The following ASIC2 variants were observed in gnomAD, a reference collection of about 807,000 sequenced individuals.
ASIC2 encodes the protein acid sensing ion channel subunit 2, also known as acid-sensing ion channel 2.
ASIC2 carries 25 observed loss-of-function variants against 57.3 expected under a neutral mutation model. The ratio of observed to expected loss-of-function variants is 0.44; its 90% confidence interval spans 0.32 to 0.61. The LOEUF (loss-of-function observed/expected upper bound fraction) is 0.61. ASIC2 is among the 20% of genes least tolerant of loss of function. ASIC2 has a pLI of 0.06. For missense variants in ASIC2, 641 were observed against 738.1 expected, an observed-to-expected ratio of 0.87 and a Z score of 1.52; for synonymous variants, 319 against 307.5, an observed-to-expected ratio of 1.04 and a Z score of -0.39.
At position 33,519,273 on chromosome 17, in the gene ASIC2, C is replaced by T. The variant is rs145239464; in HGVS notation, c.556-407206G>A. ...CCTTGCTCTTGGCCCTTCCGTTATACAAATAGAAGCAGAGCGGCTCTGGTG... is the reference window on the plus strand; with the variant it reads ...CCTTGCTCTTGGCCCTTCCGTTATATAAATAGAAGCAGAGCGGCTCTGGTG... On this transcript the variant is annotated intron_variant, in intron 1 of 9. Transcript: ENST00000359872. Among the ~76,000 whole-genome samples, 888 of 152,272 alleles carry T rather than the reference C, an allele frequency of 5.8e-3. 7 individuals carry two copies. The highest frequency in any genetic ancestry group is 0.01 in the Non-Finnish European group (692 of 68,018).
At chr17:33,312,420 T>C (rs1906467260) in intron 1 of ASIC2, among the ~76,000 whole-genome samples, 1 of 152,178 alleles carries the variant, frequency 6.6e-6, no homozygotes, top group African/African-American at 2.4e-5. Flanking sequence ...TCTGTTGTTC[T>C]TCTCTCAAAG....
chr17:33,830,407 C>T (rs776133744), intron 1 of ASIC2, among the ~76,000 whole-genome samples: 19 of 152,130 alleles, frequency 1.2e-4, no homozygotes, highest in Admixed American at 4.6e-4. Context: ...ATGATGTTAG[C>T]GGGATGGGGA....
chr17:33,033,409 A>G (rs1290956110), intron 3 of ASIC2, among the ~76,000 whole-genome samples: 2 of 152,222 alleles, frequency 1.3e-5, no homozygotes, highest in Admixed American at 6.5e-5. Context: ...TCACTCCAGC[A>G]AGCAGGCAGG....
chr17:34,092,886 T>C (rs1220193627), intron 1 of ASIC2, among the ~76,000 whole-genome samples: 1 of 152,196 alleles, frequency 6.6e-6, no homozygotes, highest in African/African-American at 2.4e-5. Flanking sequence ...TATGTATTTA[T>C]TTATCCCTGG....
At position 33,112,286 on chromosome 17, in the gene ASIC2, G is replaced by A. The variant is rs2092261678; in HGVS notation, c.709-219C>T. 8 of 564,984 alleles carry A rather than the reference G, an allele frequency of 1.4e-5. No individual in the cohort carries two copies. The South Asian group carries it at 1.8e-4, about 13-fold the overall frequency. The allele number at this position is 564,984 out of a possible 1,614,324, so 35.0% of individuals were successfully genotyped here. A position where few individuals can be genotyped will look rare whatever the true frequency, so the allele number is the denominator to read the frequency against. On this transcript the variant is annotated intron_variant, in intron 1 of 9. Coordinates refer to ENST00000225823, the MANE Select transcript of ASIC2 (RefSeq NM_183377.2). The stretch of plus-strand genomic sequence containing the variant: ...AAGAGCAAATCTGGATGCCCTTTGG[G>A]GTTTGTTGCAGTAGGATCTGGTCTC...
intron 1 of ASIC2, among the ~76,000 whole-genome samples, chr17:33,307,985 C>T (rs1302451041): frequency 3.3e-5 from 5 of 152,188 alleles, no homozygotes; most frequent in Non-Finnish European, 7.4e-5. Context: ...TTAAGATTTT[C>T]TTATTCATCT....
intron 1 of ASIC2, among the ~76,000 whole-genome samples, chr17:33,302,999 C>T (rs562738288): frequency 6.6e-6 from 1 of 152,322 alleles, no homozygotes; most frequent in South Asian, 2.1e-4. Context: ...ATCCCATACT[C>T]TAACCATTCA....
intron 1 of ASIC2, among the ~76,000 whole-genome samples, chr17:33,858,300 G>A (rs1914015000): frequency 1.3e-5 from 2 of 152,290 alleles, no homozygotes; most frequent in Admixed American, 1.3e-4. Context: ...AGCACAGCGA[G>A]TAATGCCTGA....
intron 1 of ASIC2, among the ~76,000 whole-genome samples, chr17:34,010,696 G>A (rs2142020888): frequency 6.6e-6 from 1 of 151,218 alleles, no homozygotes; most frequent in South Asian, 2.1e-4. Context: ...GATATACACA[G>A]ACATAACCAC....
intron 1 of ASIC2, among the ~76,000 whole-genome samples, chr17:33,685,453 C>T (rs959895853): frequency 1.3e-5 from 2 of 152,156 alleles, no homozygotes; most frequent in Non-Finnish European, 2.9e-5. Flanking sequence ...CCCCCTCTAA[C>T]ACCCTGCTCC....
intron 1 of ASIC2, among the ~76,000 whole-genome samples, chr17:33,671,166 G>A (rs73279058): frequency 0.029 from 4,485 of 152,200 alleles, 220 homozygotes; most frequent in African/African-American, 0.1. Flanking sequence ...TCAAGTGGAT[G>A]TCCCATTTGC....
At chr17:33,430,515 G>T (rs1270472737) in intron 1 of ASIC2, among the ~76,000 whole-genome samples, 1 of 152,152 alleles carries the variant, frequency 6.6e-6, no homozygotes, top group Admixed American at 6.5e-5. Context: ...AATTGTCAAT[G>T]CCTTCATCTA....
chr17:33,575,742 GA>G (rs1916598112), intron 1 of ASIC2, among the ~76,000 whole-genome samples: 1 of 152,202 alleles, frequency 6.6e-6, no homozygotes, highest in South Asian at 2.1e-4. Flanking sequence ...TGAAACAAGT[GA>G]GTCAAGCTGC....
chr17:33,313,961 C>T, intron 1 of ASIC2, among the ~76,000 whole-genome samples: 1 of 152,002 alleles, frequency 6.6e-6, no homozygotes, highest in South Asian at 2.1e-4. Context: ...GGAGTTCTCT[C>T]ACAGAGGATG....
At chr17:33,876,651 G>T (rs1009113930) in intron 1 of ASIC2, among the ~76,000 whole-genome samples, 3 of 152,134 alleles carry the variant, frequency 2.0e-5, no homozygotes, top group African/African-American at 7.2e-5. Context: ...CCCACACAGA[G>T]CTCAGAGTCC....
At chr17:33,580,983 C>G (rs1567659237) in intron 1 of ASIC2, among the ~76,000 whole-genome samples, 1 of 152,190 alleles carries the variant, frequency 6.6e-6, no homozygotes, top group Admixed American at 6.5e-5. Context: ...GATCACACCT[C>G]TAATCTCTAG....
intron 1 of ASIC2, among the ~76,000 whole-genome samples, chr17:33,299,795 G>A (rs1391267007): frequency 3.9e-5 from 6 of 152,208 alleles, no homozygotes; most frequent in Non-Finnish European, 5.9e-5. Context: ...GCTCCACAGG[G>A]CTGGAGGAAG....
intron 1 of ASIC2, among the ~76,000 whole-genome samples, chr17:33,356,635 T>C (rs1360202915): frequency 1.3e-5 from 2 of 152,116 alleles, no homozygotes; most frequent in Non-Finnish European, 2.9e-5. Flanking sequence ...CGGAGCGTGT[T>C]AACCTCTTGT....
At chr17:33,448,894 C>T (rs1330103892) in intron 1 of ASIC2, among the ~76,000 whole-genome samples, 1 of 152,134 alleles carries the variant, frequency 6.6e-6, no homozygotes, top group African/African-American at 2.4e-5. Context: ...GTAGGGAAAA[C>T]TTTGAACCTA....
Sources: allele counts gnomAD v4.1 joint callset (sites outside exome capture counted in the v4.1 genomes callset), GRCh38; gene constraint gnomAD v4.1.1; transcripts MANE v1.5; gene names NCBI Gene and HGNC (gene_info 2026-07-23, HGNC 2026-07-21).